Variants in COL6A6 observed in about 807,000 individuals in gnomAD.
The protein encoded by COL6A6 is collagen type VI alpha 6 chain, also known as collagen alpha-6(VI) chain.
Under a neutral mutation model 208.6 loss-of-function variants are expected in COL6A6, and 183 were observed. That is an observed-to-expected ratio of 0.88 (90% CI 0.78 to 0.99). COL6A6 has a LOEUF of 0.99. COL6A6 is among the 50% of genes least tolerant of loss of function. COL6A6 has a pLI of 0.00. For synonymous variants in COL6A6, 973 were observed against 1,011.8 expected, an observed-to-expected ratio of 0.96 and a Z score of 0.73; for missense variants, 2,816 against 2,815.2, an observed-to-expected ratio of 1.00 and a Z score of -0.01.
Position 130,626,490 on chromosome 3 carries a change from A to G in COL6A6, c.4884A>G (p.Glu1628=). ...GRLGSQGNKG[E]PGDLGEKGAV... ...ACAATCTTTCTGTTTAACAGGGAGAACCTGGAGATCTGGGAGAAAAAGGAG... is the reference window on the plus strand; with the variant it reads ...ACAATCTTTCTGTTTAACAGGGAGAGCCTGGAGATCTGGGAGAAAAAGGAG... Residue 1628 remains glutamate (E), a synonymous_variant, in exon 25 of 37, where the codon GAA becomes GAG. Coordinates refer to ENST00000358511, the MANE Select transcript of COL6A6 (RefSeq NM_001102608.3). 1 of 1,612,336 alleles carries G rather than the reference A, an allele frequency of 6.2e-7. No homozygotes were observed. Among genetic ancestry groups the G allele is most frequent in the African/African-American group, 1.3e-5 (1 of 75,014 alleles).
At position 130,608,973 on chromosome 3, in the gene COL6A6, C is replaced by G; in HGVS notation, c.4752+9C>G. The G allele has an allele frequency of 1.2e-6, 2 of 1,603,672 alleles. No individual in the cohort carries two copies. Among genetic ancestry groups the G allele is most frequent in the Non-Finnish European group, 1.7e-6 (2 of 1,171,284 alleles). ...GACTTAAGGGCCCTCAGGTACATAT[C>G]AAGACCAATCAGGGTGTGAGAACAT... On this transcript the variant is annotated intron_variant, in intron 22 of 36. Transcript: ENST00000358511.
In COL6A6 at chr3:130,527,527, GAATAC is replaced by G. The variant is rs1338238149; in HGVS notation, c.-32+10134_-32+10138del. Among the ~76,000 whole-genome samples, 15 of 152,326 alleles carry G rather than the reference GAATAC, an allele frequency of 9.8e-5. 1 individual carries two copies. In the East Asian group the frequency reaches 2.7e-3, roughly 27 times the overall value. On this transcript the variant is annotated intron_variant, in intron 1 of 36. Transcript: ENST00000358511. The stretch of plus-strand genomic sequence containing the variant: ...TGTGATTAAGAGGGAAAGGAGAATA[GAATAC>G]AATTAAGAGTCTCCTCTGTTCTCTT...
chr3:130,563,496 G>A lies in COL6A6; in HGVS notation c.493G>A (p.Gly165Arg). ...RKDGVKIISV[G>R]VQKASEENLK... ...AGACGGAGTGAAAATCATCTCTGTA[G>A]GGGTGCAGAAAGCTTCTGAGGAAAA... Residue 165 changes from glycine to arginine, a missense_variant, in exon 3 of 37, where the codon GGG (glycine) becomes AGG (arginine). Physicochemically the swap from Gly to Arg is moderately radical, Grantham distance 125. Transcript: ENST00000358511. 6.2e-7 allele frequency: 1 copy of A among 1,614,026 alleles called. No individual in the cohort carries two copies. Among genetic ancestry groups the A allele is most frequent in the East Asian group, 2.2e-5 (1 of 44,884 alleles).
intron 32 of COL6A6, among the ~76,000 whole-genome samples, chr3:130,647,031 T>G (rs750161259): frequency 4.6e-5 from 7 of 152,204 alleles, no homozygotes; most frequent in Non-Finnish European, 8.8e-5. Flanking sequence ...TGGCAGTGGT[T>G]TGGGCTGATC....
intron 8 of COL6A6, among the ~76,000 whole-genome samples, chr3:130,577,312 G>T (rs1421886574): frequency 1.3e-5 from 2 of 152,118 alleles, no homozygotes; most frequent in Non-Finnish European, 2.9e-5. Context: ...ACCCCCGTCT[G>T]TTCCTCTCAC....
At chr3:130,648,943 G>C in intron 32 of COL6A6, 126 bp from the exon 33 acceptor site, 1 of 752,994 alleles carries the variant, frequency 1.3e-6, no homozygotes, top group Non-Finnish European at 2.0e-6. Flanking sequence ...TTACATGTTT[G>C]TTTTAATACT....
At chr3:130,573,324 T>C (rs2063210475) in intron 7 of COL6A6, among the ~76,000 whole-genome samples, 1 of 152,200 alleles carries the variant, frequency 6.6e-6, no homozygotes, top group Non-Finnish European at 1.5e-5. Context: ...GAGGCTAGGT[T>C]GTAGATGAGA....
chr3:130,626,410 T>C (rs1216635017), intron 24 of COL6A6, 75 bp from the exon 25 acceptor site: 1 of 1,022,416 alleles, frequency 9.8e-7, no homozygotes, highest in Non-Finnish European at 1.6e-6. Context: ...TTGTTGTGTG[T>C]GATCCACACA....
chr3:130,608,984 A>T lies in COL6A6; in HGVS notation c.4752+20A>T. On this transcript the variant is annotated intron_variant, in intron 22 of 36. Transcript: ENST00000358511. ...CCTCAGGTACATATCAAGACCAATC[A>T]GGGTGTGAGAACATAAAGAAGAATC... The T allele has an allele frequency of 6.3e-7, 1 of 1,582,034 alleles. No individual in the cohort carries two copies. The highest frequency in any genetic ancestry group is 8.7e-7 in the Non-Finnish European group (1 of 1,155,332).
At chr3:130,650,035 C>G (rs1368969678) in intron 33 of COL6A6, among the ~76,000 whole-genome samples, 1 of 152,190 alleles carries the variant, frequency 6.6e-6, no homozygotes, top group Non-Finnish European at 1.5e-5. Context: ...GATTTTATAA[C>G]TTCACTAATT....
At chr3:130,672,287 G>A (rs531290697) in intron 36 of COL6A6, among the ~76,000 whole-genome samples, 5 of 152,208 alleles carry the variant, frequency 3.3e-5, no homozygotes, top group African/African-American at 1.2e-4. Flanking sequence ...CAAAATAGAC[G>A]ATTTCATTCT....
At chr3:130,641,243 G>A (rs2065300483) in intron 28 of COL6A6, among the ~76,000 whole-genome samples, 2 of 149,160 alleles carry the variant, frequency 1.3e-5, no homozygotes, top group South Asian at 2.1e-4. Context: ...AAACAGTAAG[G>A]GACTAACTAA....
At chr3:130,548,220 C>A (rs2107787588) in intron 1 of COL6A6, among the ~76,000 whole-genome samples, 1 of 152,160 alleles carries the variant, frequency 6.6e-6, no homozygotes, top group Non-Finnish European at 1.5e-5. Context: ...TAATTTTTTC[C>A]TGGTAGCTGG....
Position 130,571,329 on chromosome 3 carries a change from T to C in COL6A6, c.2913T>C (p.Thr971=). The change falls in exon 7 of 37, where the codon ACT becomes ACC. Residue 971 remains threonine (T), a synonymous_variant. Transcript: ENST00000358511. ...GCGACAAGTACTTCTTCGTGGAGAC[T>C]TTTGGAGGTCTGAAGGGAATATTTT... ...GSSDKYFFVE[T]FGGLKGIFSD... The C allele has an allele frequency of 6.2e-7, 1 of 1,612,736 alleles. No homozygotes were observed.
At chr3:130,572,250 C>A (rs566133896) in intron 7 of COL6A6, among the ~76,000 whole-genome samples, 1 of 152,182 alleles carries the variant, frequency 6.6e-6, no homozygotes, top group Non-Finnish European at 1.5e-5. Context: ...CATAGTGGGG[C>A]TTCTATTCTG....
chr3:130,625,257 C>G (rs2064851323), intron 24 of COL6A6, among the ~76,000 whole-genome samples: 1 of 152,164 alleles, frequency 6.6e-6, no homozygotes. Flanking sequence ...GAGTTCAGTG[C>G]TGGTGGTCAC....
chr3:130,645,070 T>A, intron 32 of COL6A6, 68 bp downstream of exon 32: 1 of 1,471,708 alleles, frequency 6.8e-7, no homozygotes, highest in Non-Finnish European at 9.5e-7. Context: ...GAAAGATGAG[T>A]TAGAGCAATG....
chr3:130,570,544 G>A (rs556223997), intron 6 of COL6A6, among the ~76,000 whole-genome samples: 65 of 152,128 alleles, frequency 4.3e-4, no homozygotes, highest in African/African-American at 1.4e-3. Flanking sequence ...TTTATTCCTG[G>A]CAATCCTGTG....
chr3:130,586,341 G>A (rs1363893211), intron 10 of COL6A6, among the ~76,000 whole-genome samples, 165 bp from the exon 11 acceptor site: 3 of 152,120 alleles, frequency 2.0e-5, no homozygotes, highest in Admixed American at 2.0e-4. Context: ...TCTTATTATA[G>A]TCTTGTCACT....
Sources: allele counts gnomAD v4.1 joint callset (sites outside exome capture counted in the v4.1 genomes callset), GRCh38; gene constraint gnomAD v4.1.1; transcripts MANE v1.5; gene names NCBI Gene and HGNC (gene_info 2026-07-23, HGNC 2026-07-21).